The following JAK1 variants were observed in gnomAD, a reference collection of about 807,000 sequenced individuals.
JAK1 encodes tyrosine-protein kinase JAK1.
Under a neutral mutation model 136.6 loss-of-function variants are expected in JAK1, and 16 were observed. The ratio of observed to expected loss-of-function variants is 0.12; its 90% confidence interval spans 0.08 to 0.18. JAK1 has a LOEUF of 0.18. Ranked by LOEUF, JAK1 falls within the 10% of genes least tolerant of loss-of-function variation. The pLI, the probability that JAK1 is intolerant of heterozygous loss-of-function variation, is 1.00. For missense variants in JAK1, 859 were observed against 1,450.1 expected (o/e 0.59, Z 6.62); for synonymous variants, 492 against 519.5 (o/e 0.95, Z 0.72).
intron 4 of JAK1, among the ~76,000 whole-genome samples, chr1:64,874,439 A>C (rs1041772380): frequency 6.6e-6 from 1 of 152,038 alleles, no homozygotes; most frequent in Admixed American, 6.5e-5. Flanking sequence ...TAGTCTGTTT[A>C]TGTTATTGGT....
At chr1:64,890,768 G>A (rs561894623) in intron 1 of JAK1, among the ~76,000 whole-genome samples, 2 of 152,278 alleles carry the variant, frequency 1.3e-5, no homozygotes, top group East Asian at 1.9e-4. Flanking sequence ...AATCTGCTTC[G>A]AAGAGCAAAG....
chr1:64,914,908 C>G (rs939352923), intron 1 of JAK1, among the ~76,000 whole-genome samples: 21 of 152,146 alleles, frequency 1.4e-4, no homozygotes, highest in African/African-American at 4.8e-4. Flanking sequence ...AGTATTGCAA[C>G]TTGGGGAACG....
chr1:64,993,498 C>T (rs2100730014), intron 2 of JAK1: 1 of 152,396 alleles, frequency 6.6e-6, no homozygotes, highest in Middle Eastern at 3.4e-3. Flanking sequence ...CATCCATGAA[C>T]CGCCAAAGGT....
chr1:64,904,569 A>G (rs1156319103), intron 1 of JAK1, among the ~76,000 whole-genome samples: 1 of 152,194 alleles, frequency 6.6e-6, no homozygotes, highest in Non-Finnish European at 1.5e-5. Flanking sequence ...TGGAATATAC[A>G]TTTGGAAAAG....
chr1:64,842,783 C>G (rs1405619280), intron 17 of JAK1, among the ~76,000 whole-genome samples: 1 of 152,196 alleles, frequency 6.6e-6, no homozygotes, highest in Non-Finnish European at 1.5e-5. Context: ...TTCCCAAAAG[C>G]CTAGGCTGAA....
chr1:64,906,713 T>C (rs1450979746), intron 1 of JAK1, among the ~76,000 whole-genome samples: 2 of 152,164 alleles, frequency 1.3e-5, no homozygotes, highest in African/African-American at 4.8e-5. Context: ...CAAAGCTCAA[T>C]AAGTGGTGAG....
chr1:64,927,780 A>T (rs1308745863), intron 1 of JAK1, among the ~76,000 whole-genome samples: 1 of 152,228 alleles, frequency 6.6e-6, no homozygotes, highest in Non-Finnish European at 1.5e-5. Flanking sequence ...ACACATCTGT[A>T]TAATGCAAAA....
At chr1:64,962,213 A>G (rs1212239564) in intron 1 of JAK1, among the ~76,000 whole-genome samples, 1 of 152,218 alleles carries the variant, frequency 6.6e-6, no homozygotes, top group African/African-American at 2.4e-5. Flanking sequence ...TCTGAGATTC[A>G]CTGCAAGAGC....
At chr1:64,847,711 G>A (rs1469601864) in intron 12 of JAK1, 36 bp from the exon 13 acceptor site, 4 of 1,606,064 alleles carry the variant, frequency 2.5e-6, no homozygotes, top group South Asian at 1.1e-5. Flanking sequence ...TGACCTCTCT[G>A]TGCCCTGAAG....
At chr1:64,949,045 A>C (rs770344745) in intron 1 of JAK1, among the ~76,000 whole-genome samples, 1 of 152,234 alleles carries the variant, frequency 6.6e-6, no homozygotes, top group African/African-American at 2.4e-5. Flanking sequence ...AGGGAATGGA[A>C]GGAAAGGAAG....
Position 65,058,399 on chromosome 1 carries a change from T to C in JAK1, c.-181+9205A>G, listed in dbSNP as rs116139848. The C allele has an allele frequency of 2.3e-3, 1,248 of 534,096 alleles. 16 individuals carry two copies. Among genetic ancestry groups the C allele is most frequent in the African/African-American group, 0.023 (1,170 of 51,964 alleles). The allele number at this position is 534,096 out of a possible 1,614,324, so 33.1% of individuals were successfully genotyped here. ...CTCTTTCACCTTCTTTCTTCCTGGG[T>C]ACGGTGAGGCTCCTCTGATGGAAGG... is the stretch of plus-strand genomic sequence containing the variant. On this transcript the variant is annotated intron_variant, in intron 1 of 25. Transcript: ENST00000671954.
intron 1 of JAK1, among the ~76,000 whole-genome samples, chr1:64,966,027 G>A (rs1646369017): frequency 6.6e-6 from 1 of 151,706 alleles, no homozygotes; most frequent in African/African-American, 2.4e-5. Flanking sequence ...AGCGCGCTCC[G>A]GGCTTGTTTA....
chr1:65,026,279 T>C (rs773117117), intron 2 of JAK1, among the ~76,000 whole-genome samples: 1 of 152,138 alleles, frequency 6.6e-6, no homozygotes, highest in Admixed American at 6.5e-5. Context: ...AGAGCATTGT[T>C]CTATCAACAC....
At chr1:64,973,156 GAAGA>G (rs1218649134) in intron 2 of JAK1, 1 of 120,624 alleles carries the variant, frequency 8.3e-6, no homozygotes, top group African/African-American at 3.2e-5. Context: ...AGAAAGAAAG[GAAGA>G]AAGGAAGAAA....
chr1:64,988,347 T>G (rs1006631591), intron 2 of JAK1, among the ~76,000 whole-genome samples: 1 of 152,188 alleles, frequency 6.6e-6, no homozygotes, highest in African/African-American at 2.4e-5. Context: ...AACTTTTTGG[T>G]GGCACAGGCA....
chr1:65,062,691 T>C (rs1647845012), intron 1 of JAK1, among the ~76,000 whole-genome samples: 1 of 152,242 alleles, frequency 6.6e-6, no homozygotes, highest in Non-Finnish European at 1.5e-5. Flanking sequence ...TGTTGTATAC[T>C]GCAATTTAAT....
intron 2 of JAK1, among the ~76,000 whole-genome samples, chr1:64,988,634 G>A (rs922404372): frequency 6.6e-6 from 1 of 152,038 alleles, no homozygotes; most frequent in Non-Finnish European, 1.5e-5. Flanking sequence ...TGTAATCCCA[G>A]CATTTTGGGA....
intron 9 of JAK1, chr1:64,859,832 G>A (rs72675448): frequency 0.054 from 13,379 of 248,004 alleles, 513 homozygotes; most frequent in Admixed American, 0.14. Flanking sequence ...AGAAAGTGTA[G>A]TACTTCTTGA....
At chr1:64,971,015 A>T (rs2100670695), upstream of JAK1, among the ~76,000 whole-genome samples, 1 of 152,348 alleles carries the variant, frequency 6.6e-6, no homozygotes, top group African/African-American at 2.4e-5. Context: ...TCCTCTGCAA[A>T]AGCTATTGCT....
Sources: gnomAD v4.1 joint callset for allele counts (sites outside exome capture counted in the v4.1 genomes callset) on GRCh38, gnomAD v4.1.1 for gene constraint, MANE v1.5 for transcripts, NCBI Gene and HGNC (gene_info 2026-07-23, HGNC 2026-07-21) for gene names.